The following DISC1 variants were observed in gnomAD, a reference collection of about 807,000 sequenced individuals.
DISC1 encodes the protein DISC1 scaffold protein, also known as disrupted in schizophrenia 1 protein.
In DISC1, 57 loss-of-function variants were observed where a neutral mutation model predicts 84.5. That is an observed-to-expected ratio of 0.67 (90% CI 0.55 to 0.84). DISC1 has a LOEUF of 0.84. Ranked by LOEUF, DISC1 falls within the 40% of genes least tolerant of loss-of-function variation. DISC1 has a pLI of 0.00. For missense variants in DISC1, 1,000 were observed against 1,057.8 expected, an observed-to-expected ratio of 0.95 and a Z score of 0.76; for synonymous variants, 411 against 415.2, an observed-to-expected ratio of 0.99 and a Z score of 0.12.
chr1:232,015,247 G>C (rs1049252760), intron 11 of DISC1, among the ~76,000 whole-genome samples: 2 of 152,082 alleles, frequency 1.3e-5, no homozygotes, highest in Non-Finnish European at 2.9e-5. Context: ...TTCGGAATAT[G>C]GTGGAACCTT....
intron 9 of DISC1, among the ~76,000 whole-genome samples, chr1:231,913,867 A>G (rs2089435187): frequency 6.6e-6 from 1 of 152,196 alleles, no homozygotes; most frequent in Non-Finnish European, 1.5e-5. Context: ...CCGAGTGTCC[A>G]TCTCCTCTCC....
intron 8 of DISC1, among the ~76,000 whole-genome samples, chr1:231,804,738 A>G (rs1272751361): frequency 6.6e-6 from 1 of 152,200 alleles, no homozygotes; most frequent in Non-Finnish European, 1.5e-5. Context: ...AGTAGTCTAG[A>G]TTGGCCCAGG....
chr1:231,688,407 ATCGGGAC>A (rs2064572852), intron 1 of DISC1, among the ~76,000 whole-genome samples: 1 of 152,258 alleles, frequency 6.6e-6, no homozygotes, highest in Non-Finnish European at 1.5e-5. Flanking sequence ...ATGCGTCTGC[ATCGGGAC>A]TGACTTGTGG....
intron 11 of DISC1, among the ~76,000 whole-genome samples, chr1:232,011,609 C>CA (rs1243719531): frequency 1.3e-5 from 2 of 152,092 alleles, no homozygotes; most frequent in African/African-American, 4.8e-5. Flanking sequence ...GGAAGGGACT[C>CA]ATTACAAGAG....
intron 9 of DISC1, among the ~76,000 whole-genome samples, chr1:231,925,623 C>T (rs917178525): frequency 2.0e-5 from 3 of 152,128 alleles, no homozygotes; most frequent in East Asian, 1.9e-4. Flanking sequence ...TGAATGTGAC[C>T]ATTCTTGGAT....
At chr1:231,991,326 G>A (rs1402919032) in intron 10 of DISC1, among the ~76,000 whole-genome samples, 1 of 152,220 alleles carries the variant, frequency 6.6e-6, no homozygotes, top group Non-Finnish European at 1.5e-5. Flanking sequence ...TCTGGCCAGC[G>A]CCTATTCTTT....
At chr1:231,892,335 A>G (rs928131505) in intron 9 of DISC1, among the ~76,000 whole-genome samples, 1 of 152,162 alleles carries the variant, frequency 6.6e-6, no homozygotes, top group Non-Finnish European at 1.5e-5. Context: ...TCATTTAGCA[A>G]GCAGTTTTGT....
Position 231,759,630 on chromosome 1 carries a change from C to A in DISC1, c.1269-7510C>A, listed in dbSNP as rs545982851. The stretch of plus-strand genomic sequence containing the variant: ...CTAAGTCAGGAGGATTGCTTGAACT[C>A]AGGAATTTGGGGCTGTAGCAAGCTA... On this transcript the variant is annotated intron_variant, in intron 4 of 12. Coordinates refer to ENST00000439617, the MANE Select transcript of DISC1 (RefSeq NM_018662.3). Among the ~76,000 whole-genome samples the A allele has an allele frequency of 4.0e-5, 6 of 151,438 alleles. No homozygotes were observed. The South Asian group carries it at 1.3e-3, about 32-fold the overall frequency.
intron 1 of DISC1, among the ~76,000 whole-genome samples, chr1:231,633,970 G>A (rs2058970314): frequency 6.9e-6 from 1 of 144,868 alleles, no homozygotes. Flanking sequence ...TGCAACCTCC[G>A]CCTCCCAGGT....
chr1:231,946,331 C>T (rs1657191027), intron 9 of DISC1, among the ~76,000 whole-genome samples: 1 of 152,130 alleles, frequency 6.6e-6, no homozygotes, highest in African/African-American at 2.4e-5. Flanking sequence ...AAACATAATC[C>T]ATCACATAAT....
chr1:232,012,260 A>G (rs1022865479), intron 11 of DISC1, among the ~76,000 whole-genome samples: 1 of 152,148 alleles, frequency 6.6e-6, no homozygotes, highest in Admixed American at 6.5e-5. Flanking sequence ...TACATGTATA[A>G]TATACTCACT....
At chr1:231,939,400 CT>C (rs2091169900) in intron 9 of DISC1, among the ~76,000 whole-genome samples, 5 of 152,156 alleles carry the variant, frequency 3.3e-5, no homozygotes, top group Admixed American at 3.3e-4. Context: ...TCCTAAATAC[CT>C]TTCCTAACAA....
chr1:231,931,376 TTG>T (rs2126105972), intron 9 of DISC1, among the ~76,000 whole-genome samples: 1 of 152,340 alleles, frequency 6.6e-6, no homozygotes, highest in South Asian at 2.1e-4. Context: ...TGCATTTGTG[TTG>T]GCATGCCCAT....
chr1:231,793,214 A>T (rs2125599580), intron 6 of DISC1, among the ~76,000 whole-genome samples: 1 of 152,250 alleles, frequency 6.6e-6, no homozygotes, highest in East Asian at 1.9e-4. Flanking sequence ...CTGGTATGAG[A>T]TTTCCTGACA....
intron 6 of DISC1, 57 bp downstream of exon 6, chr1:231,771,127 G>A: frequency 6.7e-7 from 1 of 1,492,332 alleles, no homozygotes; most frequent in Non-Finnish European, 8.9e-7. Flanking sequence ...CTGTTCATTG[G>A]AATGATTTTG....
At chr1:231,710,257 G>A (rs759967365) in intron 3 of DISC1, among the ~76,000 whole-genome samples, 8 of 152,140 alleles carry the variant, frequency 5.3e-5, no homozygotes, top group Non-Finnish European at 1.0e-4. Flanking sequence ...TGGGAACACT[G>A]TTTTAGCTTG....
chr1:231,805,370 A>C (rs1252799206), intron 8 of DISC1, among the ~76,000 whole-genome samples: 1 of 152,224 alleles, frequency 6.6e-6, no homozygotes, highest in Non-Finnish European at 1.5e-5. Context: ...ATGATTCTGC[A>C]AATTGTACAG....
chr1:231,816,606 C>G (rs1325705190), intron 8 of DISC1, among the ~76,000 whole-genome samples: 1 of 151,978 alleles, frequency 6.6e-6, no homozygotes, highest in Non-Finnish European at 1.5e-5. Context: ...AGGTATGAAT[C>G]AAGGTTAATA....
chr1:231,832,804 C>T (rs992299040), intron 9 of DISC1, among the ~76,000 whole-genome samples: 1 of 148,728 alleles, frequency 6.7e-6, no homozygotes. Flanking sequence ...AGGCGCAGAT[C>T]CTGAACTAAC....
Sources: gnomAD v4.1 joint callset for allele counts (sites outside exome capture counted in the v4.1 genomes callset) on GRCh38, gnomAD v4.1.1 for gene constraint, MANE v1.5 for transcripts, NCBI Gene and HGNC (gene_info 2026-07-23, HGNC 2026-07-21) for gene names.